Variants in TTC6 observed in about 807,000 individuals in gnomAD.
TTC6 encodes tetratricopeptide repeat domain 6.
A neutral mutation model predicts 210.4 loss-of-function variants in TTC6; 172 were observed. That is an observed-to-expected ratio of 0.82 (90% CI 0.72 to 0.93). TTC6 has a LOEUF of 0.93. TTC6 is among the 40% of genes least tolerant of loss of function. The pLI, the probability that TTC6 is intolerant of heterozygous loss-of-function variation, is 0.00. For synonymous variants in TTC6, 804 were observed against 819.6 expected (o/e 0.98, Z 0.32); for missense variants, 2,414 against 2,318.1 (o/e 1.04, Z -0.85).
chr14:37,694,685 G>A (rs61977074), intron 3 of TTC6, among the ~76,000 whole-genome samples: 30,107 of 152,044 alleles, frequency 0.2, 3,367 homozygotes, highest in South Asian at 0.27. Context: ...CTAAGTGTCC[G>A]TCAACAGAAG....
At chr14:37,657,609 TA>T (rs2095727275) in intron 1 of TTC6, among the ~76,000 whole-genome samples, 1 of 152,176 alleles carries the variant, frequency 6.6e-6, no homozygotes, top group Non-Finnish European at 1.5e-5. Context: ...AATTATTTAA[TA>T]CACTATTATT....
intron 6 of TTC6, among the ~76,000 whole-genome samples, chr14:37,719,814 A>G (rs902294730): frequency 6.6e-6 from 1 of 152,198 alleles, no homozygotes; most frequent in Non-Finnish European, 1.5e-5. Flanking sequence ...CTTGACCCCA[A>G]AAGCACTATT....
chr14:37,737,400 A>G (rs1197581024), intron 8 of TTC6, among the ~76,000 whole-genome samples: 1 of 150,380 alleles, frequency 6.6e-6, no homozygotes, highest in Non-Finnish European at 1.5e-5. Context: ...CATAGCAGGT[A>G]CTTGGTGTTT....
At chr14:37,782,437 T>C (rs978637807) in intron 14 of TTC6, among the ~76,000 whole-genome samples, 9 of 152,184 alleles carry the variant, frequency 5.9e-5, no homozygotes, top group Admixed American at 5.2e-4. Context: ...TTATCTGTTA[T>C]TGGTGTATAG....
At chr14:37,793,152 G>A (rs555385958) in intron 17 of TTC6, among the ~76,000 whole-genome samples, 1 of 152,172 alleles carries the variant, frequency 6.6e-6, no homozygotes, top group Non-Finnish European at 1.5e-5. Flanking sequence ...CAGTGATCTT[G>A]CCAAAACATG....
At chr14:37,667,619 G>A (rs2095750677) in intron 1 of TTC6, among the ~76,000 whole-genome samples, 1 of 150,580 alleles carries the variant, frequency 6.6e-6, no homozygotes, top group African/African-American at 2.4e-5. Flanking sequence ...AAAAACGTTA[G>A]GGTTATTTTT....
At chr14:37,628,783 A>G (rs1279244428) in intron 1 of TTC6, among the ~76,000 whole-genome samples, 21 of 152,176 alleles carry the variant, frequency 1.4e-4, no homozygotes, top group Middle Eastern at 3.2e-3. Flanking sequence ...TAATTTTTGT[A>G]TAAGGTGCAA....
Position 37,792,282 on chromosome 14 carries a change from T to G in TTC6, c.3576T>G (p.Tyr1192Ter). The G allele has an allele frequency of 6.6e-7, 1 of 1,515,134 alleles. No individual in the cohort carries two copies. Among genetic ancestry groups the G allele is most frequent in the Non-Finnish European group, 8.8e-7 (1 of 1,140,754 alleles). The allele number at this position is 1,515,134 out of a possible 1,614,324, so 93.9% of individuals were successfully genotyped here. A position where few individuals can be genotyped will look rare whatever the true frequency, so the allele number is the denominator to read the frequency against. Reference sequence around the variant, plus strand: ...TTTTTAGAACTATTACTTTGGCTTATGTAAATATTGGCCTCATACATCTGC... The same window carrying G: ...TTTTTAGAACTATTACTTTGGCTTAGGTAAATATTGGCCTCATACATCTGC... The change falls in exon 17 of 31, where the codon TAT (tyrosine) becomes TAG (stop). Residue 1192 changes from tyrosine (Y) to a stop codon, truncating the protein, a stop_gained. Transcript: ENST00000553443. LOFTEE classifies it high-confidence loss of function.
At chr14:37,835,672 T>G (rs919831423) in intron 29 of TTC6, among the ~76,000 whole-genome samples, 1 of 152,162 alleles carries the variant, frequency 6.6e-6, no homozygotes, top group Non-Finnish European at 1.5e-5. Flanking sequence ...AAAGACAAGA[T>G]GGCTAGAAGT....
At chr14:37,784,401 T>C (rs2096062692) in intron 14 of TTC6, among the ~76,000 whole-genome samples, 3 of 152,316 alleles carry the variant, frequency 2.0e-5, no homozygotes, top group Middle Eastern at 6.8e-3. Flanking sequence ...TTTTGATCTT[T>C]GTTGGTTTAA....
intron 1 of TTC6, among the ~76,000 whole-genome samples, chr14:37,599,603 G>A (rs1420425803): frequency 2.0e-5 from 3 of 152,190 alleles, no homozygotes; most frequent in African/African-American, 7.2e-5. Context: ...GCAGCCGGAT[G>A]TCGGAGCCGG....
At position 37,637,154 on chromosome 14, in the gene TTC6, C is replaced by T. The variant is rs553338373; in HGVS notation, c.939+14151C>T. ...AAAAACAAAAACCAAAAAACAAAAC[C>T]ACAAGAAAAAAAACCCACCTCAATC... is the stretch of plus-strand genomic sequence containing the variant. On this transcript the variant is annotated intron_variant, in intron 1 of 30. Transcript: ENST00000553443. 9.6e-5 allele frequency among the ~76,000 whole-genome samples: 14 copies of T among 145,172 alleles called. 1 individual carries two copies. The highest frequency in any genetic ancestry group is 1.7e-4 in the Non-Finnish European group (11 of 64,070).
intron 14 of TTC6, among the ~76,000 whole-genome samples, chr14:37,761,078 C>CAGCT (rs1227294086): frequency 1.3e-5 from 2 of 152,160 alleles, no homozygotes; most frequent in African/African-American, 4.8e-5. Flanking sequence ...AGAACTCCTG[C>CAGCT]AGCTAGCTCG....
At chr14:37,645,104 T>C (rs1051463832) in intron 1 of TTC6, among the ~76,000 whole-genome samples, 1 of 152,218 alleles carries the variant, frequency 6.6e-6, no homozygotes. Context: ...ACAAGTCTGT[T>C]TCCCCACATC....
At chr14:37,763,178 G>C (rs1053226387) in intron 14 of TTC6, among the ~76,000 whole-genome samples, 5 of 151,976 alleles carry the variant, frequency 3.3e-5, no homozygotes, top group African/African-American at 1.2e-4. Context: ...GTGAGCCACT[G>C]CACCCGGCCC....
At chr14:37,763,735 T>C (rs2095991050) in intron 14 of TTC6, among the ~76,000 whole-genome samples, 1 of 152,120 alleles carries the variant, frequency 6.6e-6, no homozygotes, top group African/African-American at 2.4e-5. Context: ...TCAATTTTGT[T>C]GATATTTAAA....
At chr14:37,649,380 A>T in intron 1 of TTC6, among the ~76,000 whole-genome samples, 1 of 152,080 alleles carries the variant, frequency 6.6e-6, no homozygotes, top group Middle Eastern at 3.2e-3. Context: ...CTTTGAGCTT[A>T]GCCCTGGGGA....
At chr14:37,821,858 G>T (rs1418017544) in intron 26 of TTC6, among the ~76,000 whole-genome samples, 1 of 134,674 alleles carries the variant, frequency 7.4e-6, no homozygotes, top group African/African-American at 2.9e-5. Flanking sequence ...TCAGCTCACT[G>T]CAACCTCCGC....
At chr14:37,686,286 G>A (rs1364458080) in intron 3 of TTC6, among the ~76,000 whole-genome samples, 1 of 152,148 alleles carries the variant, frequency 6.6e-6, no homozygotes, top group Admixed American at 6.5e-5. Context: ...AAAGCACTTA[G>A]AACAATGCCT....
Sources: gnomAD v4.1 joint callset for allele counts (sites outside exome capture counted in the v4.1 genomes callset) on GRCh38, gnomAD v4.1.1 for gene constraint, MANE v1.5 for transcripts, NCBI Gene and HGNC (gene_info 2026-07-23, HGNC 2026-07-21) for gene names.